Variants in KCNIP1 observed in about 807,000 individuals in gnomAD.
KCNIP1 encodes the protein potassium voltage-gated channel interacting protein 1.
Under a neutral mutation model 33.0 loss-of-function variants are expected in KCNIP1, and 18 were observed. That is an observed-to-expected ratio of 0.55 (90% confidence interval 0.38 to 0.81). The LOEUF (loss-of-function observed/expected upper bound fraction) is 0.81. Ranked by LOEUF, KCNIP1 falls within the 30% of genes least tolerant of loss-of-function variation. The pLI, the probability that KCNIP1 is intolerant of heterozygous loss-of-function variation, is 0.00. For missense variants in KCNIP1, 238 were observed against 271.6 expected (o/e 0.88, Z 0.87); for synonymous variants, 93 against 98.3 (o/e 0.95, Z 0.32).
At chr5:170,524,763 G>A (rs750736864) in intron 1 of KCNIP1, among the ~76,000 whole-genome samples, 3 of 152,096 alleles carry the variant, frequency 2.0e-5, no homozygotes, top group Non-Finnish European at 4.4e-5. Context: ...TGAGAGAGGA[G>A]GGACCTTACC....
chr5:170,486,901 A>G (rs1757104903), intron 1 of KCNIP1, among the ~76,000 whole-genome samples: 1 of 152,226 alleles, frequency 6.6e-6, no homozygotes, highest in African/African-American at 2.4e-5. Context: ...TAATTTATTT[A>G]ATCCCTCATT....
At chr5:170,624,760 G>A (rs1308754154) in intron 1 of KCNIP1, among the ~76,000 whole-genome samples, 1 of 137,394 alleles carries the variant, frequency 7.3e-6, no homozygotes, top group African/African-American at 2.7e-5. Flanking sequence ...GGGAGGAGAG[G>A]GGAGGGGAGT....
intron 1 of KCNIP1, among the ~76,000 whole-genome samples, chr5:170,660,348 T>C (rs1433825635): frequency 6.7e-6 from 1 of 148,638 alleles, no homozygotes; most frequent in African/African-American, 2.5e-5. Flanking sequence ...TCCCCCTTAA[T>C]ATTTAAAGGA....
chr5:170,674,157 A>G (rs1417990535), intron 1 of KCNIP1, among the ~76,000 whole-genome samples: 3 of 75,630 alleles, frequency 4.0e-5, no homozygotes, highest in African/African-American at 2.0e-4. Flanking sequence ...GGAAGGAAGG[A>G]AGGAAGGAAG....
intron 1 of KCNIP1, among the ~76,000 whole-genome samples, chr5:170,463,135 A>G (rs566128617): frequency 3.9e-5 from 6 of 152,336 alleles, no homozygotes; most frequent in Admixed American, 2.6e-4. Flanking sequence ...AAAAAATAAA[A>G]ATAAAATTTT....
At chr5:170,518,949 A>G (rs13184745) in intron 1 of KCNIP1, among the ~76,000 whole-genome samples, 44,619 of 151,962 alleles carry the variant, frequency 0.29, 6,816 homozygotes, top group East Asian at 0.45. Context: ...AGTCCTCCCC[A>G]ATGGCAGGAG....
At chr5:170,562,162 G>A (rs923394100) in intron 1 of KCNIP1, among the ~76,000 whole-genome samples, 1 of 152,218 alleles carries the variant, frequency 6.6e-6, no homozygotes, top group African/African-American at 2.4e-5. Context: ...GCCCACCCTG[G>A]ATGACAAGAA....
intron 1 of KCNIP1, among the ~76,000 whole-genome samples, chr5:170,550,251 GT>G (rs1380568469): frequency 6.6e-6 from 1 of 152,136 alleles, no homozygotes; most frequent in African/African-American, 2.4e-5. Flanking sequence ...AACACACTTG[GT>G]TCTGGAACAG....
intron 1 of KCNIP1, among the ~76,000 whole-genome samples, chr5:170,493,094 G>T (rs1386105345): frequency 6.6e-6 from 1 of 152,178 alleles, no homozygotes; most frequent in Non-Finnish European, 1.5e-5. Flanking sequence ...CAGAGCCTGA[G>T]GTGCAGGTCA....
intron 1 of KCNIP1, among the ~76,000 whole-genome samples, chr5:170,686,658 T>A (rs1762545427): frequency 6.6e-6 from 1 of 152,108 alleles, no homozygotes; most frequent in Non-Finnish European, 1.5e-5. Flanking sequence ...GGCCTGTGAG[T>A]GTCTGAAAAC....
At chr5:170,459,114 T>C (rs1756452869) in intron 1 of KCNIP1, among the ~76,000 whole-genome samples, 1 of 152,186 alleles carries the variant, frequency 6.6e-6, no homozygotes, top group African/African-American at 2.4e-5. Context: ...TATATAATGA[T>C]AAAAGGCCTT....
intron 1 of KCNIP1, among the ~76,000 whole-genome samples, chr5:170,551,197 A>G (rs554571620): frequency 1.6e-4 from 24 of 152,312 alleles, no homozygotes; most frequent in Non-Finnish European, 2.8e-4. Flanking sequence ...CAATGGTGAG[A>G]GCCTCTCTGG....
intron 1 of KCNIP1, among the ~76,000 whole-genome samples, chr5:170,684,932 A>G (rs538069458): frequency 1.3e-5 from 2 of 150,148 alleles, no homozygotes; most frequent in Admixed American, 1.4e-4. Flanking sequence ...TGGAAATATC[A>G]GAAGACAAGA....
chr5:170,661,483 C>T (rs1057211667), intron 1 of KCNIP1, among the ~76,000 whole-genome samples: 1 of 152,148 alleles, frequency 6.6e-6, no homozygotes, highest in Non-Finnish European at 1.5e-5. Context: ...CCCAAAGATG[C>T]TGCCATCCCT....
chr5:170,677,229 CTT>C (rs1164666476), intron 1 of KCNIP1, among the ~76,000 whole-genome samples: 3 of 152,154 alleles, frequency 2.0e-5, no homozygotes, highest in Non-Finnish European at 4.4e-5. Flanking sequence ...GGTGAGAAAA[CTT>C]AGGCACAGAG....
intron 1 of KCNIP1, among the ~76,000 whole-genome samples, chr5:170,440,282 A>C (rs1755959533): frequency 6.6e-6 from 1 of 152,304 alleles, no homozygotes; most frequent in South Asian, 2.1e-4. Context: ...GTGGCACCTT[A>C]TTATATCAGC....
intron 1 of KCNIP1, among the ~76,000 whole-genome samples, chr5:170,528,499 G>A (rs1176103395): frequency 6.6e-6 from 1 of 152,216 alleles, no homozygotes; most frequent in African/African-American, 2.4e-5. Flanking sequence ...CCAGTGCCTG[G>A]GGCATAGCAC....
At chr5:170,423,973 C>T (rs1755557292) in intron 1 of KCNIP1, among the ~76,000 whole-genome samples, 1 of 152,208 alleles carries the variant, frequency 6.6e-6, no homozygotes, top group Non-Finnish European at 1.5e-5. Flanking sequence ...ATCAAATTCC[C>T]CATAGTGTAG....
upstream of KCNIP1, among the ~76,000 whole-genome samples, chr5:170,500,390 C>T (rs1007851201): frequency 1.3e-5 from 2 of 152,166 alleles, no homozygotes; most frequent in African/African-American, 2.4e-5. Context: ...GCTAGTTCAC[C>T]TTCCAGAGTA....
Sources: allele counts gnomAD v4.1 joint callset (sites outside exome capture counted in the v4.1 genomes callset), GRCh38; gene constraint gnomAD v4.1.1; transcripts MANE v1.5; gene names NCBI Gene and HGNC (gene_info 2026-07-23, HGNC 2026-07-21).